DOCK1: variants seen among roughly 807,000 people sequenced by gnomAD.
DOCK1 encodes dedicator of cytokinesis protein 1.
DOCK1 carries 138 observed loss-of-function variants against 262.7 expected under a neutral mutation model. The ratio of observed to expected loss-of-function variants is 0.53; its 90% CI spans 0.46 to 0.61. DOCK1 has a LOEUF of 0.61. DOCK1 is among the 20% of genes least tolerant of loss of function. The probability of loss-of-function intolerance (pLI) is 0.00; values close to 1 mark genes in which losing one functional copy is unlikely to be tolerated. For synonymous variants in DOCK1, 866 were observed against 867.4 expected (o/e 1.00, Z 0.03); for missense variants, 1,908 against 2,370.7 (o/e 0.80, Z 4.05).
chr10:127,334,182 T>C (rs2063101440), intron 29 of DOCK1, among the ~76,000 whole-genome samples: 1 of 152,178 alleles, frequency 6.6e-6, no homozygotes, highest in African/African-American at 2.4e-5. Flanking sequence ...CATTTCTTGG[T>C]GGTGTTGAAC....
At chr10:127,195,459 T>G (rs2057045110) in intron 27 of DOCK1, among the ~76,000 whole-genome samples, 1 of 152,060 alleles carries the variant, frequency 6.6e-6, no homozygotes, top group African/African-American at 2.4e-5. Context: ...CGTGGGCATC[T>G]GCCTTCACTG....
chr10:127,411,754 C>T (rs542747266), intron 43 of DOCK1, among the ~76,000 whole-genome samples: 5 of 152,078 alleles, frequency 3.3e-5, no homozygotes, highest in Admixed American at 6.5e-5. Flanking sequence ...GCGGGAGAAT[C>T]GCTTGAACCC....
chr10:127,118,022 T>C (rs1481937691), intron 25 of DOCK1, among the ~76,000 whole-genome samples: 1 of 152,214 alleles, frequency 6.6e-6, no homozygotes, highest in Admixed American at 6.5e-5. Flanking sequence ...TTTTGACATA[T>C]GTATTTTATT....
intron 32 of DOCK1, among the ~76,000 whole-genome samples, chr10:127,360,136 G>A (rs2064341751): frequency 6.6e-6 from 1 of 152,190 alleles, no homozygotes; most frequent in African/African-American, 2.4e-5. Context: ...CCCATTTTTA[G>A]AAAGGAGTCT....
intron 1 of DOCK1, among the ~76,000 whole-genome samples, chr10:126,906,440 G>C (rs967075075): frequency 6.6e-6 from 1 of 152,154 alleles, no homozygotes; most frequent in Non-Finnish European, 1.5e-5. Context: ...GCCTGGTGTC[G>C]GGACTGGGCC....
At chr10:127,255,729 T>C (rs1035549670) in intron 28 of DOCK1, among the ~76,000 whole-genome samples, 6 of 152,216 alleles carry the variant, frequency 3.9e-5, no homozygotes, top group Admixed American at 3.3e-4. Context: ...GAAAATATGC[T>C]TCTCTTCCAG....
chr10:126,991,005 T>C (rs761443983), intron 6 of DOCK1, among the ~76,000 whole-genome samples: 5 of 152,222 alleles, frequency 3.3e-5, no homozygotes, highest in Admixed American at 6.5e-5. Context: ...GTTCTGAGCA[T>C]TGGAGTGGAC....
chr10:127,208,795 G>A (rs967141206), intron 27 of DOCK1, among the ~76,000 whole-genome samples: 11 of 152,140 alleles, frequency 7.2e-5, no homozygotes, highest in Non-Finnish European at 1.5e-5. Flanking sequence ...CTAACGTTGA[G>A]ATGTTCTCTA....
intron 18 of DOCK1, among the ~76,000 whole-genome samples, chr10:127,032,914 C>T (rs975369722): frequency 2.0e-5 from 3 of 152,072 alleles, no homozygotes; most frequent in African/African-American, 7.2e-5. Flanking sequence ...GATTTTTGGC[C>T]AAAGGAAGGT....
intron 23 of DOCK1, among the ~76,000 whole-genome samples, chr10:127,093,698 C>T (rs1490628783): frequency 6.6e-6 from 1 of 151,682 alleles, no homozygotes; most frequent in African/African-American, 2.4e-5. Flanking sequence ...GGATTTAGGG[C>T]CCACTGTAAT....
At chr10:126,961,124 G>A (rs1458103867) in intron 1 of DOCK1, among the ~76,000 whole-genome samples, 2 of 152,052 alleles carry the variant, frequency 1.3e-5, no homozygotes, top group Admixed American at 6.6e-5. Flanking sequence ...GGCCCAGCTA[G>A]CTCTGTTTCC....
Position 127,280,753 on chromosome 10 carries a change from T to C in DOCK1, c.3044+23324T>C, listed in dbSNP as rs116366860. The stretch of plus-strand genomic sequence containing the variant: ...CTGTGTTCTGAGAGGTTTCATACTG[T>C]TGTCGACACCTGTGCTGGTGTAGAA... On this transcript the variant is annotated intron_variant, in intron 29 of 51. Coordinates refer to ENST00000623213, the MANE Select transcript of DOCK1 (RefSeq NM_001290223.2). Among the ~76,000 whole-genome samples, 492 of 152,340 alleles carry C rather than the reference T, an allele frequency of 3.2e-3. 1 individual carries two copies. The highest frequency in any genetic ancestry group is 0.01 in the African/African-American group (425 of 41,582).
chr10:126,991,387 C>G (rs2039774872), intron 6 of DOCK1, among the ~76,000 whole-genome samples: 1 of 152,148 alleles, frequency 6.6e-6, no homozygotes, highest in Non-Finnish European at 1.5e-5. Flanking sequence ...TAAAAAGTAT[C>G]TGGTCACATG....
At chr10:127,119,129 C>T (rs774554006) in intron 25 of DOCK1, among the ~76,000 whole-genome samples, 15 of 152,136 alleles carry the variant, frequency 9.9e-5, no homozygotes, top group African/African-American at 2.4e-4. Context: ...CTGCAAGCTC[C>T]GTCTCCCAGG....
intron 29 of DOCK1, among the ~76,000 whole-genome samples, chr10:127,298,413 T>TC (rs2135413672): frequency 6.6e-6 from 1 of 152,324 alleles, no homozygotes; most frequent in African/African-American, 2.4e-5. Context: ...TGAAATGAAA[T>TC]CTTTTTGTTA....
At chr10:127,061,844 A>C (rs772277885) in intron 23 of DOCK1, 68 bp downstream of exon 23, 5 of 1,222,162 alleles carry the variant, frequency 4.1e-6, no homozygotes, top group Admixed American at 2.7e-5. Flanking sequence ...TTTTGGAGGT[A>C]GGTATTTTGA....
At chr10:126,960,408 C>T (rs929597536) in intron 1 of DOCK1, among the ~76,000 whole-genome samples, 6,732 of 151,372 alleles carry the variant, frequency 0.044, 191 homozygotes, top group Middle Eastern at 0.11. Context: ...GTGACAGGCA[C>T]GGACAGCAGT....
intron 27 of DOCK1, among the ~76,000 whole-genome samples, chr10:127,197,225 C>T (rs1380058050): frequency 6.6e-6 from 1 of 152,176 alleles, no homozygotes; most frequent in Admixed American, 6.5e-5. Context: ...GCCACTGCCA[C>T]TCCTAGCCAG....
chr10:126,944,216 G>C (rs2134278104), intron 1 of DOCK1, among the ~76,000 whole-genome samples: 1 of 151,918 alleles, frequency 6.6e-6, no homozygotes, highest in African/African-American at 2.4e-5. Flanking sequence ...GACGAGGGGA[G>C]GGAAGTGTCT....
Sources: allele counts gnomAD v4.1 joint callset (sites outside exome capture counted in the v4.1 genomes callset), GRCh38; gene constraint gnomAD v4.1.1; transcripts MANE v1.5; gene names NCBI Gene and HGNC (gene_info 2026-07-23, HGNC 2026-07-21).